The following SH3RF2 variants were observed in gnomAD, a reference collection of about 807,000 sequenced individuals.
SH3RF2 encodes E3 ubiquitin-protein ligase SH3RF2.
In SH3RF2, 43 loss-of-function variants were observed where a neutral mutation model predicts 59.0. The ratio of observed to expected loss-of-function variants is 0.73; its 90% confidence interval spans 0.57 to 0.94. SH3RF2 has a LOEUF of 0.94. Among genes scored for constraint, SH3RF2 ranks in the 40% least tolerant of loss-of-function variants. The pLI is 0.00. For synonymous variants in SH3RF2, 391 were observed against 391.5 expected (o/e 1.00, Z 0.01); for missense variants, 930 against 940.1 (o/e 0.99, Z 0.14).
At chr5:146,050,101 C>G (rs1421158132) in intron 7 of SH3RF2, 1 of 152,178 alleles carries the variant, frequency 6.6e-6, no homozygotes, top group African/African-American at 2.4e-5. Flanking sequence ...GGTGAGCTGC[C>G]ACGTCCGGAG....
chr5:146,067,542 A>G (rs1763135363), downstream of SH3RF2, among the ~76,000 whole-genome samples: 1 of 152,174 alleles, frequency 6.6e-6, no homozygotes, highest in South Asian at 2.1e-4. Context: ...CCTGGGCCCT[A>G]GAGAGTCTCA....
In SH3RF2 at chr5:146,056,075, G is replaced by A; in HGVS notation, c.1417G>A (p.Glu473Lys). 1 of 1,614,224 alleles carries A rather than the reference G, an allele frequency of 6.2e-7. No individual in the cohort carries two copies. Among genetic ancestry groups the A allele is most frequent in the Non-Finnish European group, 8.5e-7 (1 of 1,180,044 alleles). The change falls in exon 8 of 10, where the codon GAA (glutamate) becomes AAA (lysine). Residue 473 changes from glutamate to lysine, a missense_variant. Glu to Lys is a moderately conservative substitution (Grantham distance 56). Coordinates refer to ENST00000359120, the MANE Select transcript of SH3RF2 (RefSeq NM_152550.4). ...TGTGTCCTCCCAAGGCAGCATTTCA[G>A]AAGGTGATCCACGGCAAAGCCGTCC... ...SSVSSQGSIS[E>K]GDPRQSRPFK...
downstream of SH3RF2, among the ~76,000 whole-genome samples, chr5:146,067,425 C>T (rs1485474434): frequency 6.6e-6 from 1 of 152,224 alleles, no homozygotes; most frequent in Non-Finnish European, 1.5e-5. Flanking sequence ...AGAGACTGTG[C>T]AGGACCGCAT....
chr5:146,021,397 T>C (rs1408656552), intron 5 of SH3RF2, among the ~76,000 whole-genome samples: 1 of 152,182 alleles, frequency 6.6e-6, no homozygotes, highest in African/African-American at 2.4e-5. Flanking sequence ...TTCATACTCA[T>C]AAGTGATGTT....
intron 2 of SH3RF2, among the ~76,000 whole-genome samples, chr5:145,994,698 C>T (rs777100480): frequency 2.0e-5 from 3 of 152,152 alleles, no homozygotes; most frequent in Non-Finnish European, 4.4e-5. Context: ...TTCCCAAACA[C>T]GTGGGAATTC....
intron 2 of SH3RF2, among the ~76,000 whole-genome samples, chr5:145,939,121 G>A (rs1322994454): frequency 1.3e-5 from 2 of 152,232 alleles, no homozygotes; most frequent in African/African-American, 4.8e-5. Context: ...GAACCTTGTT[G>A]TGGGATAATG....
At chr5:146,034,460 C>T (rs1761856685) in intron 5 of SH3RF2, among the ~76,000 whole-genome samples, 1 of 152,186 alleles carries the variant, frequency 6.6e-6, no homozygotes, top group African/African-American at 2.4e-5. Flanking sequence ...TCCGCAGAAC[C>T]ACACAGAGCC....
chr5:146,078,480 C>T (rs1363352430), exon 10 of SH3RF2: 1 of 152,132 alleles, frequency 6.6e-6, no homozygotes, highest in East Asian at 1.9e-4. Flanking sequence ...GGTCATCTTC[C>T]CAGGAGGAAT....
Position 146,049,070 on chromosome 5 carries a change from C to T in SH3RF2, c.1152-5C>T, listed in dbSNP as rs377586859. 5.4e-4 allele frequency: 873 copies of T among 1,614,032 alleles called. 2 individuals are homozygous for T. Among genetic ancestry groups the T allele is most frequent in the Non-Finnish European group, 6.4e-4 (758 of 1,180,000 alleles). Reference sequence around the variant, plus strand: ...CTCCCTCACCAGTTCTCTGTGTCTTCCCAGGTTTGTAGCCCTGCACTCCTA... The same window carrying T: ...CTCCCTCACCAGTTCTCTGTGTCTTTCCAGGTTTGTAGCCCTGCACTCCTA... On this transcript the variant is annotated splice_polypyrimidine_tract_variant and splice_region_variant and intron_variant, in intron 6 of 9. Coordinates refer to ENST00000359120, the MANE Select transcript of SH3RF2 (RefSeq NM_152550.4).
chr5:146,030,079 G>C (rs190742799), intron 5 of SH3RF2, among the ~76,000 whole-genome samples: 169 of 152,250 alleles, frequency 1.1e-3, no homozygotes, highest in Non-Finnish European at 1.7e-3. Flanking sequence ...TGAGTATAGG[G>C]CAACTCTGAG....
intron 7 of SH3RF2, among the ~76,000 whole-genome samples, chr5:146,054,389 T>C (rs1471372623): frequency 6.6e-6 from 1 of 152,034 alleles, no homozygotes; most frequent in African/African-American, 2.4e-5. Flanking sequence ...GCGAAAAAAT[T>C]TGAAATTTGT....
At chr5:145,937,553 C>T (rs1312037150) in intron 1 of SH3RF2, among the ~76,000 whole-genome samples, 1 of 152,104 alleles carries the variant, frequency 6.6e-6, no homozygotes, top group Non-Finnish European at 1.5e-5. Context: ...GGTTGGGGGG[C>T]CACTTCAGCA....
chr5:145,959,122 G>A (rs115802012), intron 2 of SH3RF2, among the ~76,000 whole-genome samples: 43 of 152,256 alleles, frequency 2.8e-4, no homozygotes, highest in Non-Finnish European at 4.4e-4. Flanking sequence ...TGAAAAAGGC[G>A]ACCATGGAAT....
At chr5:146,061,506 T>G (rs1009120637) in intron 9 of SH3RF2, among the ~76,000 whole-genome samples, 1 of 152,126 alleles carries the variant, frequency 6.6e-6, no homozygotes, top group African/African-American at 2.4e-5. Context: ...GGCTAGATAT[T>G]AGGAGGATCA....
At chr5:146,033,858 C>A (rs763686579) in intron 5 of SH3RF2, among the ~76,000 whole-genome samples, 1 of 152,100 alleles carries the variant, frequency 6.6e-6, no homozygotes, top group Non-Finnish European at 1.5e-5. Context: ...AGGTAAAGAA[C>A]AAAAGTAACA....
At chr5:145,943,015 A>G (rs1054280319) in intron 2 of SH3RF2, among the ~76,000 whole-genome samples, 19 of 152,084 alleles carry the variant, frequency 1.2e-4, no homozygotes, top group Non-Finnish European at 2.6e-4. Flanking sequence ...GCATACTTAT[A>G]TCATACAGCT....
At chr5:145,963,285 T>C (rs1022287886) in intron 2 of SH3RF2, among the ~76,000 whole-genome samples, 1 of 150,424 alleles carries the variant, frequency 6.6e-6, no homozygotes, top group African/African-American at 2.5e-5. Flanking sequence ...GATGGATGGA[T>C]GGATTAATAA....
At chr5:146,006,967 G>A (rs1205924706) in intron 4 of SH3RF2, among the ~76,000 whole-genome samples, 2 of 152,166 alleles carry the variant, frequency 1.3e-5, no homozygotes, top group Admixed American at 1.3e-4. Context: ...CCAACTAAAT[G>A]CCTCGTTTCA....
At chr5:146,023,860 C>T (rs1338687365) in intron 5 of SH3RF2, among the ~76,000 whole-genome samples, 5 of 152,106 alleles carry the variant, frequency 3.3e-5, no homozygotes, top group Admixed American at 2.0e-4. Flanking sequence ...ACACAGTATT[C>T]GAATATTTGG....
Sources: gnomAD v4.1 joint callset for allele counts (sites outside exome capture counted in the v4.1 genomes callset) on GRCh38, gnomAD v4.1.1 for gene constraint, MANE v1.5 for transcripts, NCBI Gene and HGNC (gene_info 2026-07-23, HGNC 2026-07-21) for gene names.